The following TM7SF3 variants were observed in gnomAD, a reference collection of about 807,000 sequenced individuals.
TM7SF3 encodes transmembrane 7 superfamily member 3.
A neutral mutation model predicts 65.5 loss-of-function variants in TM7SF3; 60 were observed. That is an observed-to-expected ratio of 0.92 (90% confidence interval 0.74 to 1.14). TM7SF3 has a LOEUF of 1.14. TM7SF3 is among the 50% of genes most tolerant of loss of function. The pLI is 0.00. For synonymous variants in TM7SF3, 264 were observed against 259.6 expected, an observed-to-expected ratio of 1.02 and a Z score of -0.16; for missense variants, 623 against 684.8, an observed-to-expected ratio of 0.91 and a Z score of 1.01.
intron 2 of TM7SF3, among the ~76,000 whole-genome samples, chr12:27,002,042 C>T (rs1454152410): frequency 6.6e-6 from 1 of 152,130 alleles, no homozygotes; most frequent in Non-Finnish European, 1.5e-5. Context: ...ACACATACCC[C>T]ACAACACACA....
At chr12:26,987,289 G>T (rs997103176) in intron 6 of TM7SF3, among the ~76,000 whole-genome samples, 1 of 152,120 alleles carries the variant, frequency 6.6e-6, no homozygotes, top group Admixed American at 6.6e-5. Flanking sequence ...AACTGAACTT[G>T]TCCAAAACTG....
At chr12:27,004,334 G>A (rs2136445156) in intron 1 of TM7SF3, among the ~76,000 whole-genome samples, 1 of 152,218 alleles carries the variant, frequency 6.6e-6, no homozygotes, top group African/African-American at 2.4e-5. Flanking sequence ...AAGATCCCAA[G>A]TTTCACATAA....
At chr12:26,989,163 T>C (rs377717204) in intron 6 of TM7SF3, among the ~76,000 whole-genome samples, 3 of 152,266 alleles carry the variant, frequency 2.0e-5, no homozygotes, top group African/African-American at 7.2e-5. Flanking sequence ...GGGTGGGGTA[T>C]GGTGGCTTAT....
chr12:26,988,336 G>T (rs1047581594), intron 6 of TM7SF3, among the ~76,000 whole-genome samples: 1 of 152,058 alleles, frequency 6.6e-6, no homozygotes, highest in South Asian at 2.1e-4. Flanking sequence ...GCTAATTTTT[G>T]TATTTTTTGT....
Position 27,006,493 on chromosome 12 carries a change from C to T in TM7SF3, c.92-3103G>A, listed in dbSNP as rs190745686. Among the ~76,000 whole-genome samples the T allele has an allele frequency of 2.6e-3, 403 of 152,226 alleles. 5 individuals are homozygous for T. Among genetic ancestry groups the T allele is most frequent in the African/African-American group, 8.6e-3 (356 of 41,532 alleles). On this transcript the variant is annotated intron_variant, in intron 1 of 11. Coordinates refer to ENST00000343028, the MANE Select transcript of TM7SF3 (RefSeq NM_016551.3). ...AACACACACTAGAAAAAAAAAGGGA[C>T]AAAATGGGACATTCTCTCAACATTC...
intron 6 of TM7SF3, among the ~76,000 whole-genome samples, chr12:26,988,564 AT>A: frequency 6.6e-6 from 1 of 152,196 alleles, no homozygotes; most frequent in South Asian, 2.1e-4. Flanking sequence ...TAGCTTCGTA[AT>A]TTTGATAATT....
chr12:26,985,836 CAG>C (rs1205813135), intron 6 of TM7SF3, among the ~76,000 whole-genome samples: 160 of 66,252 alleles, frequency 2.4e-3, no homozygotes, highest in African/African-American at 8.6e-3. Context: ...TTTTTTGAGA[CAG>C]AGTCTCGCTC....
intron 1 of TM7SF3, among the ~76,000 whole-genome samples, chr12:27,007,466 T>A (rs917355755): frequency 2.6e-5 from 4 of 152,084 alleles, no homozygotes; most frequent in African/African-American, 9.7e-5. Context: ...TAAGGTGTCC[T>A]TTTCATAAGA....
At chr12:26,976,437 A>AT (rs1319431574) in intron 9 of TM7SF3, 80 bp from the exon 10 acceptor site, 1 of 868,830 alleles carries the variant, frequency 1.2e-6, no homozygotes, top group African/African-American at 1.7e-5. Context: ...CTGAACACAG[A>AT]TATACATCAA....
At chr12:26,987,267 A>G (rs867708553) in intron 6 of TM7SF3, among the ~76,000 whole-genome samples, 1 of 152,230 alleles carries the variant, frequency 6.6e-6, no homozygotes, top group Non-Finnish European at 1.5e-5. Flanking sequence ...TAAATGCTCA[A>G]TAGGGTTCTC....
chr12:26,988,807 A>T (rs1940217828), intron 6 of TM7SF3, among the ~76,000 whole-genome samples: 1 of 151,670 alleles, frequency 6.6e-6, no homozygotes, highest in Non-Finnish European at 1.5e-5. Flanking sequence ...AGTCACACTG[A>T]GTGTGCCTGC....
chr12:26,995,700 C>T (rs1467204991), intron 4 of TM7SF3, among the ~76,000 whole-genome samples: 4 of 152,122 alleles, frequency 2.6e-5, no homozygotes, highest in African/African-American at 7.2e-5. Flanking sequence ...CCTAATGAAT[C>T]GAATTACTGC....
rs747853921 is a variant in TM7SF3 at position 26,975,557 on chromosome 12, G to A, written c.1389C>T (p.Leu463=). ...GGAAATCCTTGTTGAGCGCTCTCTT[G>A]AGTACGTTCAAAGTGATGTAGGAAA... ...TSLSYITLNV[L]KRALNKDFHR... is the part of the protein sequence containing the mutation. The change falls in exon 11 of 12, where the codon CTC becomes CTT. Residue 463 remains leucine, a synonymous_variant. Transcript: ENST00000343028. 2 of 1,614,038 alleles carry A rather than the reference G, an allele frequency of 1.2e-6. No homozygotes were observed. Among genetic ancestry groups the A allele is most frequent in the East Asian group, 2.2e-5 (1 of 44,894 alleles).
chr12:26,976,053 T>TG (rs1049654782), intron 10 of TM7SF3, among the ~76,000 whole-genome samples: 6 of 151,940 alleles, frequency 3.9e-5, no homozygotes, highest in Admixed American at 6.6e-5. Context: ...CTCCATTTGG[T>TG]GGAAAAAAAA....
In TM7SF3 at chr12:27,014,307, A is replaced by C. The variant is rs1014265593; in HGVS notation, c.-139T>G. ...CGCCCGCCAGGTGCAGACGCTTCGC[A>C]CCTGCCAGCTCCGCAGCCGCCGGCG... is the stretch of plus-strand genomic sequence containing the variant. On this transcript the variant is annotated 5_prime_UTR_variant, in exon 1 of 12. Coordinates refer to ENST00000343028, the MANE Select transcript of TM7SF3 (RefSeq NM_016551.3). 1 of 585,340 alleles carries C rather than the reference A, an allele frequency of 1.7e-6. No individual in the cohort carries two copies. The highest frequency in any genetic ancestry group is 3.8e-5 in the East Asian group (1 of 26,540). 36.3% of individuals were successfully genotyped at this position (585,340 alleles called of 1,614,324 possible).
Position 27,014,286 on chromosome 12 carries a change from C to G in TM7SF3, c.-118G>C, listed in dbSNP as rs1441125138. The G allele has an allele frequency of 1.1e-6, 1 of 879,692 alleles. No homozygotes were observed. Among genetic ancestry groups the G allele is most frequent in the Admixed American group, 3.9e-5 (1 of 25,428 alleles). The allele number at this position is 879,692 out of a possible 1,614,324, so 54.5% of individuals were successfully genotyped here. A position where few individuals can be genotyped will look rare whatever the true frequency, so the allele number is the denominator to read the frequency against. ...GGCGCCCGCATCGGGCGCCATCGCC[C>G]GCCAGGTGCAGACGCTTCGCACCTG... On this transcript the variant is annotated 5_prime_UTR_variant, in exon 1 of 12. Transcript: ENST00000343028.
At chr12:26,997,390 T>C (rs1019281576) in intron 3 of TM7SF3, among the ~76,000 whole-genome samples, 3 of 152,194 alleles carry the variant, frequency 2.0e-5, no homozygotes, top group African/African-American at 7.2e-5. Context: ...TTCCTCCAAA[T>C]TCTATGCTCT....
chr12:27,014,192 C>G lies in TM7SF3; in HGVS notation c.-24G>C. On this transcript the variant is annotated 5_prime_UTR_variant, in exon 1 of 12. Transcript: ENST00000343028. ...ATTGCTGCCTGGGCCGGGCTGGGCC[C>G]ACGCCAGGGCTGGGGAGAGGTGCGG... is the stretch of plus-strand genomic sequence containing the variant. The G allele has an allele frequency of 1.9e-6, 3 of 1,550,882 alleles. No homozygotes were observed. Among genetic ancestry groups the G allele is most frequent in the Non-Finnish European group, 2.6e-6 (3 of 1,146,814 alleles).
chr12:26,991,830 C>T (rs985264143), intron 5 of TM7SF3, among the ~76,000 whole-genome samples: 3 of 152,170 alleles, frequency 2.0e-5, no homozygotes, highest in Admixed American at 1.3e-4. Flanking sequence ...CCCAACTCTA[C>T]TTTTTTCCTG....
Sources: allele counts gnomAD v4.1 joint callset (sites outside exome capture counted in the v4.1 genomes callset), GRCh38; gene constraint gnomAD v4.1.1; transcripts MANE v1.5; gene names NCBI Gene and HGNC (gene_info 2026-07-23, HGNC 2026-07-21).